TUSC3: variants seen among roughly 807,000 people sequenced by gnomAD.
TUSC3 encodes dolichyl-diphosphooligosaccharide--protein glycosyltransferase subunit TUSC3.
A neutral mutation model predicts 44.8 loss-of-function variants in TUSC3; 45 were observed. The ratio of observed to expected loss-of-function variants is 1.00; its 90% CI spans 0.79 to 1.29. The LOEUF (loss-of-function observed/expected upper bound fraction) is 1.29. Among genes scored for constraint, TUSC3 ranks in the 50% most tolerant of loss-of-function variants. TUSC3 has a pLI of 0.00. For synonymous variants in TUSC3, 212 were observed against 152.9 expected (o/e 1.39, Z -2.85); for missense variants, 519 against 437.9 (o/e 1.19, Z -1.65).
intron 6 of TUSC3, among the ~76,000 whole-genome samples, chr8:15,697,608 C>A (rs532052462): frequency 6.6e-6 from 1 of 152,132 alleles, no homozygotes; most frequent in African/African-American, 2.4e-5. Context: ...TATAAGGCTG[C>A]ACATACCTGT....
intron 1 of TUSC3, among the ~76,000 whole-genome samples, chr8:15,547,011 C>T (rs1257449423): frequency 1.3e-5 from 2 of 151,426 alleles, no homozygotes; most frequent in Non-Finnish European, 2.9e-5. Flanking sequence ...ATCTTGTTGT[C>T]ATTTAATGAA....
In TUSC3 at chr8:15,708,536, G is replaced by C. The variant is rs144930115; in HGVS notation, c.799-22130G>C. On this transcript the variant is annotated intron_variant, in intron 6 of 10. Transcript: ENST00000503731. ...AAGTGATGATTATTAAACTTCATCT[G>C]TGGTTCAGTGAGCAGTGTATAGAGA... Among the ~76,000 whole-genome samples the C allele has an allele frequency of 2.6e-3, 397 of 152,106 alleles. 1 individual carries two copies. Among genetic ancestry groups the C allele is most frequent in the African/African-American group, 9.4e-3 (391 of 41,552 alleles).
In TUSC3 at chr8:15,765,233, G is replaced by A. The variant is rs1471160029; in HGVS notation, c.*1077G>A. Reference sequence around the variant, plus strand: ...CTCATAGAACTAATGGAAGCTGAAAGCCAAAAATAAAGTTTATAACCAGGC... The same window carrying A: ...CTCATAGAACTAATGGAAGCTGAAAACCAAAAATAAAGTTTATAACCAGGC... On this transcript the variant is annotated 3_prime_UTR_variant, in exon 11 of 11. Coordinates refer to ENST00000503731, the MANE Select transcript of TUSC3 (RefSeq NM_006765.4). 1.3e-5 allele frequency: 2 copies of A among 152,004 alleles called. No homozygotes were observed. The highest frequency in any genetic ancestry group is 1.5e-5 in the Non-Finnish European group (1 of 67,936). 9.4% of individuals were successfully genotyped at this position (152,004 alleles called of 1,614,324 possible).
chr8:15,508,405 A>G (rs978747569), intron 2 of TUSC3, among the ~76,000 whole-genome samples: 19 of 150,274 alleles, frequency 1.3e-4, no homozygotes, highest in Admixed American at 1.3e-3. Flanking sequence ...ATTTAGAGAG[A>G]TTATAGATAA....
chr8:15,668,507 C>T (rs1807781235), intron 5 of TUSC3, among the ~76,000 whole-genome samples: 1 of 151,684 alleles, frequency 6.6e-6, no homozygotes, highest in Non-Finnish European at 1.5e-5. Context: ...AAAAGACTAG[C>T]ACGTGAGCCC....
At chr8:15,646,852 T>G (rs1482080205) in intron 2 of TUSC3, among the ~76,000 whole-genome samples, 1 of 152,132 alleles carries the variant, frequency 6.6e-6, no homozygotes, top group East Asian at 1.9e-4. Flanking sequence ...AAACTTATCT[T>G]TACATTCTTG....
chr8:15,748,230 A>G lies in TUSC3; in HGVS notation c.938-145A>G, dbSNP rs1811507250. 4 of 692,254 alleles carry G rather than the reference A, an allele frequency of 5.8e-6. No individual in the cohort carries two copies. The Admixed American group carries it at 8.6e-5, about 15-fold the overall frequency. The allele number at this position is 692,254 out of a possible 1,614,324, so 42.9% of individuals were successfully genotyped here. A position where few individuals can be genotyped will look rare whatever the true frequency, so the allele number is the denominator to read the frequency against. On this transcript the variant is annotated intron_variant, in intron 8 of 10. Transcript: ENST00000503731. ...AATAATGAACACATTGGATACCTGT[A>G]TCCAAATACCTGTTTGTTGTACCTG...
At chr8:15,846,348 T>G in the TUSC3 span, among the ~76,000 whole-genome samples, 10 of 152,262 alleles carry the variant, frequency 6.6e-5, no homozygotes, top group Middle Eastern at 3.4e-3. Flanking sequence ...GCGATTATAG[T>G]AGAACCCATT....
intron 1 of TUSC3, among the ~76,000 whole-genome samples, chr8:15,599,138 A>T (rs571800040): frequency 3.3e-5 from 5 of 151,836 alleles, no homozygotes; most frequent in African/African-American, 1.2e-4. Flanking sequence ...TGGTCATTCT[A>T]ATAGGTTTAT....
chr8:15,689,008 A>C, intron 6 of TUSC3: 1 of 255,376 alleles, frequency 3.9e-6, no homozygotes, highest in South Asian at 4.5e-5. Flanking sequence ...CAGTCAAACA[A>C]CCGGGCCACC....
At chr8:15,822,835 A>C in the TUSC3 span, among the ~76,000 whole-genome samples, 26,733 of 152,066 alleles carry the variant, frequency 0.18, 2,507 homozygotes, top group Admixed American at 0.28. Flanking sequence ...ATACACCAAT[A>C]AGAAGATTCT....
At chr8:15,487,792 G>A (rs10110222) in intron 2 of TUSC3, among the ~76,000 whole-genome samples, 12,718 of 151,610 alleles carry the variant, frequency 0.084, 629 homozygotes, top group African/African-American at 0.13. Flanking sequence ...TGTTTCCAAG[G>A]ATCACTTCAT....
chr8:15,498,206 G>A (rs1800910008), intron 2 of TUSC3, among the ~76,000 whole-genome samples: 1 of 152,188 alleles, frequency 6.6e-6, no homozygotes, highest in Admixed American at 6.5e-5. Flanking sequence ...ATTTAGGAAT[G>A]TAGGTTTTAA....
chr8:15,627,505 A>T (rs1458194830), intron 2 of TUSC3, among the ~76,000 whole-genome samples: 1 of 152,230 alleles, frequency 6.6e-6, no homozygotes, highest in Non-Finnish European at 1.5e-5. Flanking sequence ...TAATACAAAG[A>T]GGGCTGGAAC....
chr8:15,685,050 C>T (rs939535296), intron 6 of TUSC3, among the ~76,000 whole-genome samples: 1 of 152,312 alleles, frequency 6.6e-6, no homozygotes, highest in African/African-American at 2.4e-5. Context: ...CTCAGTACAG[C>T]ATGGCACACC....
chr8:15,590,687 T>C (rs1367513356), intron 1 of TUSC3, among the ~76,000 whole-genome samples: 1 of 152,060 alleles, frequency 6.6e-6, no homozygotes, highest in Non-Finnish European at 1.5e-5. Context: ...TTGTTGCTTT[T>C]CTGAGACAGG....
intron 9 of TUSC3, among the ~76,000 whole-genome samples, chr8:15,751,482 C>G (rs1265453984): frequency 3.3e-5 from 5 of 152,130 alleles, no homozygotes; most frequent in African/African-American, 4.8e-5. Context: ...CCGGTTCTCA[C>G]TCTCTCAACA....
the TUSC3 span, among the ~76,000 whole-genome samples, chr8:15,772,815 A>G: frequency 6.6e-6 from 1 of 152,218 alleles, no homozygotes; most frequent in African/African-American, 2.4e-5. Flanking sequence ...CCAAGTGGGA[A>G]TTATTCCAGA....
rs146181436 is a variant in TUSC3, at chr8:15,518,280, A to C, written n.189+34797A>C. Among the ~76,000 whole-genome samples the C allele has an allele frequency of 3.9e-5, 6 of 152,078 alleles. No homozygotes were observed. The East Asian group carries it at 5.8e-4, about 15-fold the overall frequency. On this transcript the variant is annotated intron_variant and non_coding_transcript_variant, in intron 2 of 5. Coordinates refer to the TUSC3 transcript ENST00000503191. ...TACCGTATCTTTTCATCAAAATGCC[A>C]TGTGTTTTTAATTTGCTGGCTCTTT...
Sources: gnomAD v4.1 joint callset for allele counts (sites outside exome capture counted in the v4.1 genomes callset) on GRCh38, gnomAD v4.1.1 for gene constraint, MANE v1.5 for transcripts, NCBI Gene and HGNC (gene_info 2026-07-23, HGNC 2026-07-21) for gene names.